TNRC18: variants seen among roughly 807,000 people sequenced by gnomAD.
TNRC18 encodes trinucleotide repeat-containing gene 18 protein.
A neutral mutation model predicts 226.7 loss-of-function variants in TNRC18; 69 were observed. The ratio of observed to expected loss-of-function variants is 0.30; its 90% CI spans 0.25 to 0.37. The LOEUF is 0.37. Ranked by LOEUF, TNRC18 falls within the 10% of genes least tolerant of loss-of-function variation. The pLI is 1.00. For synonymous variants in TNRC18, 2,449 were observed against 1,927.6 expected, an observed-to-expected ratio of 1.27 and a Z score of -7.09; for missense variants, 4,754 against 4,256.6, an observed-to-expected ratio of 1.12 and a Z score of -3.25.
At chr7:5,346,473 G>A (rs1009823076) in intron 17 of TNRC18, among the ~76,000 whole-genome samples, 3 of 152,146 alleles carry the variant, frequency 2.0e-5, no homozygotes, top group Non-Finnish European at 4.4e-5. Flanking sequence ...TCCAGCCTGG[G>A]TGACAAGAGT....
chr7:5,395,386 G>C (rs1489120505), intron 2 of TNRC18, among the ~76,000 whole-genome samples: 2 of 152,188 alleles, frequency 1.3e-5, no homozygotes, highest in Non-Finnish European at 2.9e-5. Context: ...CTGCTGCTCA[G>C]AAACATGATG....
rs201475134 is a variant in TNRC18 at position 5,315,055 on chromosome 7, G to A, written c.6956C>T (p.Thr2319Met). 3.0e-5 allele frequency: 49 copies of A among 1,610,644 alleles called. No homozygotes were observed. In the African/African-American group the frequency reaches 4.1e-4, roughly 14 times the overall value. ...GGCTCCTGGCTCCTCCGACCCAGCC[G>A]TGCCACCATCTTTGCCCTCCCCAGT... ...KDTGEGKDGG[T>M]AGSEEPGAKA... is the part of the protein sequence containing the mutation. The change falls in exon 26 of 30, where the codon ACG becomes ATG. Residue 2319 changes from threonine to methionine, a missense_variant. Transcript: ENST00000430969.
chr7:5,368,562 G>T (rs1200442137), intron 11 of TNRC18, among the ~76,000 whole-genome samples: 1 of 150,952 alleles, frequency 6.6e-6, no homozygotes, highest in East Asian at 1.9e-4. Context: ...TACTCAGGAG[G>T]CTGAGGCAGG....
intron 18 of TNRC18, among the ~76,000 whole-genome samples, chr7:5,336,071 G>A (rs139951437): frequency 2.0e-5 from 3 of 152,148 alleles, no homozygotes; most frequent in African/African-American, 7.2e-5. Context: ...TCTGGGCGTG[G>A]TGGCATGCAT....
Position 5,412,244 on chromosome 7 carries a change from G to GAA in TNRC18, c.187+8814_187+8815dup, listed in dbSNP as rs55864404. On this transcript the variant is annotated intron_variant, in intron 2 of 29. Transcript: ENST00000430969. ...CCAGATATTCTAAGAAATTCCAAAT[G>GAA]AAAAAAAAAAAAAAAAAAAAAAGAC... is the stretch of plus-strand genomic sequence containing the variant. Among the ~76,000 whole-genome samples the GAA allele has an allele frequency of 1.2e-3, 87 of 71,816 alleles. 1 individual carries two copies. The highest frequency in any genetic ancestry group is 1.5e-3 in the African/African-American group (46 of 31,494). 47.1% of individuals were successfully genotyped at this position (71,816 alleles called of 152,430 possible). A position where few individuals can be genotyped will look rare whatever the true frequency, so the allele number is the denominator to read the frequency against.
intron 5 of TNRC18, among the ~76,000 whole-genome samples, chr7:5,386,950 T>C (rs1470602764): frequency 6.6e-6 from 1 of 152,128 alleles, no homozygotes; most frequent in Non-Finnish European, 1.5e-5. Context: ...GGCACATGTC[T>C]GTAATCCCAG....
Position 5,325,105 on chromosome 7 carries a change from C to CGAT in TNRC18, c.6290_6291insATC (p.Val2097_Lys2098insSer). 6.5e-7 allele frequency: 1 copy of CGAT among 1,550,154 alleles called. No homozygotes were observed. Among genetic ancestry groups the CGAT allele is most frequent in the African/African-American group, 1.4e-5 (1 of 73,114 alleles). Reference sequence around the variant, plus strand: ...GCACGGTGAGCCTCACCTCCTTCTTCACCTCCTTCCCTTTGGCCTTGGCTT... The same window carrying CGAT: ...GCACGGTGAGCCTCACCTCCTTCTTCGATACCTCCTTCCCTTTGGCCTTGGCTT... On this transcript the variant is annotated inframe_insertion, in exon 20 of 30. Transcript: ENST00000430969.
intron 9 of TNRC18, 138 bp from the exon 10 acceptor site, chr7:5,374,622 C>T (rs576740569): frequency 1.2e-4 from 94 of 814,514 alleles, no homozygotes; most frequent in Middle Eastern, 7.5e-4. Flanking sequence ...CTGCCCACCC[C>T]GTCCCAGGCC....
intron 3 of TNRC18, among the ~76,000 whole-genome samples, chr7:5,393,276 G>A (rs1257453176): frequency 6.6e-6 from 1 of 152,252 alleles, no homozygotes; most frequent in African/African-American, 2.4e-5. Context: ...CAGCCTAGAA[G>A]GCCCACTCTG....
At chr7:5,334,918 G>C (rs1280699086) in intron 18 of TNRC18, among the ~76,000 whole-genome samples, 1 of 152,102 alleles carries the variant, frequency 6.6e-6, no homozygotes, top group African/African-American at 2.4e-5. Flanking sequence ...AGCAGGGAAG[G>C]TGGGGCCCAC....
chr7:5,375,756 G>C (rs1189327267), intron 9 of TNRC18, among the ~76,000 whole-genome samples: 1 of 152,084 alleles, frequency 6.6e-6, no homozygotes, highest in Admixed American at 6.6e-5. Flanking sequence ...AGTCCCCAAG[G>C]CCACCTCTCT....
rs1330113835 is a variant in TNRC18, at chr7:5,390,482, T to C, written c.487+3A>G. The C allele has an allele frequency of 1.2e-6, 2 of 1,613,436 alleles. No homozygotes were observed. The highest frequency in any genetic ancestry group is 3.3e-5 in the Admixed American group (2 of 59,976). The stretch of plus-strand genomic sequence containing the variant: ...CACCCCCAACCCCGGACTCCAGTCT[T>C]ACCTCCTCCTGGCCCCTGACCTTTC... On this transcript the variant is annotated splice_donor_region_variant and intron_variant, in intron 4 of 29. Coordinates refer to ENST00000430969, the MANE Select transcript of TNRC18 (RefSeq NM_001080495.3).
At chr7:5,399,308 T>G (rs1487165100) in intron 2 of TNRC18, among the ~76,000 whole-genome samples, 1 of 152,180 alleles carries the variant, frequency 6.6e-6, no homozygotes, top group African/African-American at 2.4e-5. Context: ...CCTCTCGCCC[T>G]AGGCTGAGCT....
chr7:5,422,300 G>A (rs1462844241), intron 1 of TNRC18, among the ~76,000 whole-genome samples: 6 of 152,106 alleles, frequency 3.9e-5, no homozygotes, highest in African/African-American at 1.4e-4. Flanking sequence ...GGAAGGAAAG[G>A]GATCAAGGGT....
chr7:5,412,213 T>G (rs1584115683), intron 2 of TNRC18, among the ~76,000 whole-genome samples: 3 of 104,596 alleles, frequency 2.9e-5, no homozygotes, highest in African/African-American at 1.0e-4. Flanking sequence ...AGAGAGAAAC[T>G]GGAAGCCAGA....
At chr7:5,338,869 G>C (rs567981887) in intron 18 of TNRC18, among the ~76,000 whole-genome samples, 2 of 141,798 alleles carry the variant, frequency 1.4e-5, no homozygotes, top group Non-Finnish European at 3.0e-5. Context: ...GTGGTGAGCC[G>C]AGATCATGCC....
At chr7:5,345,507 A>T in intron 18 of TNRC18, 55 bp downstream of exon 18, 2 of 580,630 alleles carry the variant, frequency 3.4e-6, no homozygotes, top group East Asian at 3.1e-5. Flanking sequence ...GGGATGGGGC[A>T]ATGGCGTCCG....
rs755774307 is a variant in TNRC18 at position 5,309,267 on chromosome 7, G to A, written c.8490C>T (p.Ala2830=). Residue 2830 remains alanine, a synonymous_variant, in exon 28 of 30, where the codon GCC becomes GCT. Coordinates refer to ENST00000430969, the MANE Select transcript of TNRC18 (RefSeq NM_001080495.3). The surrounding 1 kb of genome is among the most constrained non-coding windows in gnomAD (Gnocchi z 5.7). ...CGATGTAGGGCAGGTTGGGGCGGCC[G>A]GCAGAGAGGAACACGGCACAGTCCC... The part of the protein sequence containing the change: ...RIGDCAVFLS[A]GRPNLPYIGR... 53 of 1,613,736 alleles carry A rather than the reference G, an allele frequency of 3.3e-5. No individual in the cohort carries two copies. Among genetic ancestry groups the A allele is most frequent in the South Asian group, 8.8e-5 (8 of 91,076 alleles).
intron 5 of TNRC18, among the ~76,000 whole-genome samples, chr7:5,385,848 T>C (rs1584013238): frequency 6.6e-6 from 1 of 151,154 alleles, no homozygotes; most frequent in Middle Eastern, 3.4e-3. Context: ...CTGGGCATGG[T>C]GGCGTGCACC....
Sources: allele counts gnomAD v4.1 joint callset (sites outside exome capture counted in the v4.1 genomes callset), GRCh38; gene constraint gnomAD v4.1.1; non-coding constraint Gnocchi (gnomAD v3.1); transcripts MANE v1.5; gene names NCBI Gene and HGNC (gene_info 2026-07-23, HGNC 2026-07-21).